The following RGSL1 variants were observed in gnomAD, a reference collection of about 807,000 sequenced individuals.
The protein encoded by RGSL1 is regulator of G protein signaling like 1.
In RGSL1, 97 loss-of-function variants were observed where a neutral mutation model predicts 124.7. The observed-to-expected ratio is 0.78, with a 90% confidence interval of 0.66 to 0.92. The LOEUF (loss-of-function observed/expected upper bound fraction) is 0.92, where lower values mean the gene tolerates loss of function less well. Among genes scored for constraint, RGSL1 ranks in the 40% least tolerant of loss-of-function variants. The pLI, the probability that RGSL1 is intolerant of heterozygous loss-of-function variation, is 0.00. For missense variants in RGSL1, 1,233 were observed against 1,288.4 expected (o/e 0.96, Z 0.66); for synonymous variants, 424 against 438.1 (o/e 0.97, Z 0.40).
At chr1:182,478,662 T>G (rs745946516) in intron 6 of RGSL1, among the ~76,000 whole-genome samples, 1 of 152,022 alleles carries the variant, frequency 6.6e-6, no homozygotes, top group Non-Finnish European at 1.5e-5. Context: ...GAAAAAGGGA[T>G]AGAAAGCTTA....
intron 17 of RGSL1, chr1:182,549,837 CT>C (rs1660450291): frequency 6.6e-6 from 1 of 152,136 alleles, no homozygotes; most frequent in South Asian, 2.1e-4. Flanking sequence ...GCAATTTAAC[CT>C]TTTGAACATC....
chr1:182,468,706 T>C (rs532970153), intron 4 of RGSL1, among the ~76,000 whole-genome samples: 1 of 152,186 alleles, frequency 6.6e-6, no homozygotes, highest in South Asian at 2.1e-4. Flanking sequence ...GGCACATGTA[T>C]ACATATGTAA....
intron 4 of RGSL1, among the ~76,000 whole-genome samples, chr1:182,466,408 G>T (rs1004329992): frequency 6.6e-6 from 1 of 152,084 alleles, no homozygotes; most frequent in African/African-American, 2.4e-5. Context: ...GTAGTATTTT[G>T]TAGAAAAATC....
At chr1:182,463,917 T>C (rs1653058895) in intron 4 of RGSL1, among the ~76,000 whole-genome samples, 1 of 152,216 alleles carries the variant, frequency 6.6e-6, no homozygotes, top group African/African-American at 2.4e-5. Context: ...ATACACATTC[T>C]TCTCAAGTGC....
intron 6 of RGSL1, among the ~76,000 whole-genome samples, chr1:182,485,438 G>A (rs1230396511): frequency 6.6e-6 from 1 of 152,178 alleles, no homozygotes; most frequent in Non-Finnish European, 1.5e-5. Flanking sequence ...CAGCCATCTT[G>A]CTGACATCAC....
intron 9 of RGSL1, among the ~76,000 whole-genome samples, chr1:182,514,804 G>A (rs1429015718): frequency 6.6e-6 from 1 of 152,198 alleles, no homozygotes; most frequent in Non-Finnish European, 1.5e-5. Flanking sequence ...GTTCCTTCCT[G>A]AGGCCAAGCC....
chr1:182,477,639 C>T (rs535905413), intron 6 of RGSL1, among the ~76,000 whole-genome samples: 1 of 152,322 alleles, frequency 6.6e-6, no homozygotes, highest in Non-Finnish European at 1.5e-5. Flanking sequence ...CCCAAACCAC[C>T]TGCAGACCTT....
chr1:182,452,081 T>C (rs1207617242), intron 1 of RGSL1, among the ~76,000 whole-genome samples: 1 of 152,034 alleles, frequency 6.6e-6, no homozygotes, highest in African/African-American at 2.4e-5. Context: ...CAGGATTAGA[T>C]AATTTATTGA....
chr1:182,536,605 G>C lies in RGSL1; in HGVS notation c.2495-3642G>C, dbSNP rs140404941. 3.7e-3 allele frequency among the ~76,000 whole-genome samples: 564 copies of C among 152,274 alleles called. 6 individuals carry two copies. The highest frequency in any genetic ancestry group is 0.013 in the African/African-American group (539 of 41,540). On this transcript the variant is annotated intron_variant, in intron 14 of 21. Transcript: ENST00000294854. ...TGACATATTAGTCCATTTTCACACTGCTAATAAAGACATACCCAAGACAGG... is the reference window on the plus strand; with the variant it reads ...TGACATATTAGTCCATTTTCACACTCCTAATAAAGACATACCCAAGACAGG...
intron 6 of RGSL1, among the ~76,000 whole-genome samples, chr1:182,485,076 C>T (rs1655000646): frequency 6.6e-6 from 1 of 152,124 alleles, no homozygotes; most frequent in Admixed American, 6.5e-5. Context: ...TAGGCAGCTC[C>T]CTCAGCTGGG....
intron 9 of RGSL1, among the ~76,000 whole-genome samples, chr1:182,517,979 T>A (rs1402619952): frequency 1.3e-5 from 2 of 152,240 alleles, no homozygotes; most frequent in African/African-American, 4.8e-5. Context: ...GAGTTATTTA[T>A]TCCAGTCTTC....
intron 4 of RGSL1, chr1:182,471,250 C>T: frequency 4.4e-6 from 2 of 457,380 alleles, no homozygotes. Context: ...AGAGTTCATT[C>T]TCCCTCTCTT....
intron 10 of RGSL1, among the ~76,000 whole-genome samples, chr1:182,524,495 T>C (rs567634617): frequency 2.6e-5 from 4 of 152,170 alleles, no homozygotes; most frequent in Admixed American, 6.5e-5. Flanking sequence ...AGTCTCTCCA[T>C]AAAAGTAAAA....
At chr1:182,536,107 G>A (rs1005919633) in intron 14 of RGSL1, among the ~76,000 whole-genome samples, 14 of 152,078 alleles carry the variant, frequency 9.2e-5, no homozygotes, top group African/African-American at 3.1e-4. Context: ...TTTGAGATTC[G>A]TCTATGCTAT....
intron 14 of RGSL1, among the ~76,000 whole-genome samples, chr1:182,538,610 A>C (rs1230253348): frequency 6.6e-6 from 1 of 152,224 alleles, no homozygotes; most frequent in Non-Finnish European, 1.5e-5. Flanking sequence ...AATATACTAC[A>C]CAAAAGCAAA....
chr1:182,521,385 G>A (rs1270238538), intron 9 of RGSL1, among the ~76,000 whole-genome samples: 1 of 152,198 alleles, frequency 6.6e-6, no homozygotes, highest in Non-Finnish European at 1.5e-5. Flanking sequence ...ATGATATTTT[G>A]ATATATTTGG....
At chr1:182,540,677 C>T (rs1347780964) in intron 15 of RGSL1, among the ~76,000 whole-genome samples, 1 of 152,112 alleles carries the variant, frequency 6.6e-6, no homozygotes, top group Non-Finnish European at 1.5e-5. Context: ...GAAAAGGGAG[C>T]ATGTTTTTCT....
intron 15 of RGSL1, among the ~76,000 whole-genome samples, chr1:182,543,292 A>G (rs1276816050): frequency 6.6e-6 from 1 of 152,294 alleles, no homozygotes; most frequent in South Asian, 2.1e-4. Context: ...ATGCTTCATC[A>G]TCTATTGAAA....
rs376360227 is a variant in RGSL1, at chr1:182,540,391, A to G, written c.2639A>G (p.Asn880Ser). 29 of 1,550,702 alleles carry G rather than the reference A, an allele frequency of 1.9e-5. No homozygotes were observed. The highest frequency in any genetic ancestry group is 1.3e-4 in the South Asian group (11 of 83,934). ...ATTATCACTGTCAACTTTGCGATCA[A>G]TGATCTATATTTCTTTTCTGAAATG... Reference protein sequence around the residue: ...HRIITVNFAINDLYFFSEMEK... With the variant: ...HRIITVNFAISDLYFFSEMEK... The change falls in exon 15 of 22, where the codon AAT (asparagine) becomes AGT (serine). Residue 880 changes from asparagine (N) to serine (S), a missense_variant. Coordinates refer to ENST00000294854, the MANE Select transcript of RGSL1 (RefSeq NM_001137669.2).
Sources: allele counts gnomAD v4.1 joint callset (sites outside exome capture counted in the v4.1 genomes callset), GRCh38; gene constraint gnomAD v4.1.1; transcripts MANE v1.5; gene names NCBI Gene and HGNC (gene_info 2026-07-23, HGNC 2026-07-21).